IMMP2L: variants seen among roughly 807,000 people sequenced by gnomAD.
The protein encoded by IMMP2L is inner mitochondrial membrane peptidase subunit 2.
In IMMP2L, 18 loss-of-function variants were observed where a neutral mutation model predicts 19.3. That is an observed-to-expected ratio of 0.93 (90% CI 0.64 to 1.38). The LOEUF is 1.38. Among genes scored for constraint, IMMP2L ranks in the 40% most tolerant of loss-of-function variants. The pLI, the probability that IMMP2L is intolerant of heterozygous loss-of-function variation, is 0.00. For missense variants in IMMP2L, 233 were observed against 218.2 expected, an observed-to-expected ratio of 1.07 and a Z score of -0.43; for synonymous variants, 76 against 73.0, an observed-to-expected ratio of 1.04 and a Z score of -0.21.
intron 3 of IMMP2L, among the ~76,000 whole-genome samples, chr7:111,211,035 T>C (rs1811250133): frequency 6.6e-6 from 1 of 152,264 alleles, no homozygotes; most frequent in East Asian, 1.9e-4. Context: ...AGTTGCTCTA[T>C]CTACCAAGTC....
chr7:111,187,662 G>A (rs1239836083), intron 3 of IMMP2L, among the ~76,000 whole-genome samples: 4 of 152,090 alleles, frequency 2.6e-5, no homozygotes, highest in Admixed American at 6.5e-5. Flanking sequence ...TAATCATTAT[G>A]ATGGCAAACA....
chr7:111,027,707 T>C (rs1826993831), intron 3 of IMMP2L, among the ~76,000 whole-genome samples: 2 of 152,222 alleles, frequency 1.3e-5, no homozygotes, highest in Non-Finnish European at 2.9e-5. Flanking sequence ...GTAGAGATTA[T>C]TGAGTATCTA....
At chr7:110,930,254 C>A (rs1815320528) in intron 4 of IMMP2L, among the ~76,000 whole-genome samples, 1 of 152,068 alleles carries the variant, frequency 6.6e-6, no homozygotes, top group African/African-American at 2.4e-5. Flanking sequence ...CCAAGTTATT[C>A]CACCAAGGTT....
intron 1 of IMMP2L, among the ~76,000 whole-genome samples, chr7:111,539,566 G>GGAGCAGGT (rs1480678144): frequency 6.6e-6 from 1 of 151,668 alleles, no homozygotes; most frequent in Non-Finnish European, 1.5e-5. Flanking sequence ...AGGGCCAGGG[G>GGAGCAGGT]GAGCAGGTGC....
intron 3 of IMMP2L, among the ~76,000 whole-genome samples, chr7:111,437,341 A>T (rs1837277909): frequency 6.6e-6 from 1 of 151,796 alleles, no homozygotes; most frequent in Non-Finnish European, 1.5e-5. Flanking sequence ...GCTACTCAGG[A>T]GGCTGAGGCA....
At chr7:111,143,118 T>C (rs549430931) in intron 3 of IMMP2L, among the ~76,000 whole-genome samples, 2 of 152,244 alleles carry the variant, frequency 1.3e-5, no homozygotes, top group South Asian at 4.1e-4. Flanking sequence ...AAAATCAACA[T>C]GTCATTTAAA....
rs201780824 is a variant in IMMP2L, at chr7:110,824,997, G to A, written c.408+61596C>T. Among the ~76,000 whole-genome samples, 26 of 152,102 alleles carry A rather than the reference G, an allele frequency of 1.7e-4. No individual in the cohort carries two copies. The East Asian group carries it at 5.0e-3, about 29-fold the overall frequency. ...GATAAGCAACTTCAGCAAAGTCTCA[G>A]GATACAAAATCAATGTGCAAAAATC... On this transcript the variant is annotated intron_variant, in intron 5 of 5. Coordinates refer to ENST00000405709, the MANE Select transcript of IMMP2L (RefSeq NM_032549.4).
intron 3 of IMMP2L, among the ~76,000 whole-genome samples, chr7:111,345,548 G>A (rs771484940): frequency 6.6e-6 from 1 of 152,166 alleles, no homozygotes; most frequent in Non-Finnish European, 1.5e-5. Flanking sequence ...CATATTACAG[G>A]AATTGGTTAC....
chr7:111,225,311 A>G (rs1321264138), intron 3 of IMMP2L, among the ~76,000 whole-genome samples: 1 of 152,112 alleles, frequency 6.6e-6, no homozygotes, highest in Non-Finnish European at 1.5e-5. Flanking sequence ...TGCCACTGTA[A>G]GAGCTTACTA....
intron 3 of IMMP2L, among the ~76,000 whole-genome samples, chr7:111,263,646 C>T (rs148563663): frequency 2.4e-3 from 358 of 152,190 alleles, no homozygotes; most frequent in Admixed American, 4.6e-3. Flanking sequence ...TTTTAAACCA[C>T]AAGCCTGGAT....
chr7:111,350,496 C>T (rs910539323), intron 3 of IMMP2L, among the ~76,000 whole-genome samples: 4 of 151,976 alleles, frequency 2.6e-5, no homozygotes, highest in Admixed American at 6.6e-5. Context: ...GTGTTCAACA[C>T]ACTGTAATGT....
intron 4 of IMMP2L, among the ~76,000 whole-genome samples, chr7:110,905,365 T>C (rs2129547679): frequency 6.6e-6 from 1 of 152,276 alleles, no homozygotes; most frequent in Admixed American, 6.5e-5. Context: ...ATCCTTAAAA[T>C]TAGATTTTTG....
chr7:110,839,945 G>C (rs2131439393), intron 5 of IMMP2L, among the ~76,000 whole-genome samples: 1 of 151,998 alleles, frequency 6.6e-6, no homozygotes, highest in South Asian at 2.1e-4. Flanking sequence ...TTCCTTCTCA[G>C]TGCTCCTGGA....
rs533149745 is a variant in IMMP2L, at chr7:111,112,913, C to A, written c.240-149348G>T. On this transcript the variant is annotated intron_variant, in intron 3 of 5. Coordinates refer to ENST00000405709, the MANE Select transcript of IMMP2L (RefSeq NM_032549.4). ...CTTGTTTATTGCATTTGAAAAAATT[C>A]TTTCAAACTGAAGGAGCTAATTTTA... 4.7e-4 allele frequency among the ~76,000 whole-genome samples: 72 copies of A among 152,256 alleles called. 1 individual carries two copies. Among genetic ancestry groups the A allele is most frequent in the Non-Finnish European group, 7.5e-4 (51 of 68,010 alleles).
intron 2 of IMMP2L, among the ~76,000 whole-genome samples, chr7:111,512,367 G>C (rs1845526469): frequency 6.6e-6 from 1 of 152,094 alleles, no homozygotes; most frequent in Admixed American, 6.6e-5. Flanking sequence ...AAAGAGATGG[G>C]AGTGAGGATT....
intron 3 of IMMP2L, among the ~76,000 whole-genome samples, chr7:111,014,029 C>T (rs1015303379): frequency 4.6e-5 from 7 of 152,018 alleles, no homozygotes; most frequent in African/African-American, 1.7e-4. Flanking sequence ...ATTTTGCTGG[C>T]AATTACTTTT....
intron 3 of IMMP2L, among the ~76,000 whole-genome samples, chr7:111,168,214 G>C (rs1433759712): frequency 1.3e-5 from 2 of 151,458 alleles, no homozygotes; most frequent in Non-Finnish European, 1.5e-5. Context: ...TTAACAATTT[G>C]AAAAAATGAT....
chr7:110,850,027 G>T (rs189678099), intron 5 of IMMP2L, among the ~76,000 whole-genome samples: 9 of 152,054 alleles, frequency 5.9e-5, no homozygotes, highest in African/African-American at 2.2e-4. Flanking sequence ...GGGAAAGTAT[G>T]TAGAAGATAA....
At chr7:110,700,923 C>CA (rs1176119582) in intron 5 of IMMP2L, among the ~76,000 whole-genome samples, 3 of 152,138 alleles carry the variant, frequency 2.0e-5, no homozygotes, top group Non-Finnish European at 4.4e-5. Flanking sequence ...TGCACTATAA[C>CA]ATCAAATGAA....
Sources: gnomAD v4.1 joint callset for allele counts (sites outside exome capture counted in the v4.1 genomes callset) on GRCh38, gnomAD v4.1.1 for gene constraint, MANE v1.5 for transcripts, NCBI Gene and HGNC (gene_info 2026-07-23, HGNC 2026-07-21) for gene names.